Variants in RYR3 observed in about 807,000 individuals in gnomAD.
RYR3 encodes the protein ryanodine receptor 3.
Under a neutral mutation model 584.3 loss-of-function variants are expected in RYR3, and 207 were observed. The ratio of observed to expected loss-of-function variants is 0.35; its 90% CI spans 0.32 to 0.40. RYR3 has a LOEUF of 0.40. Among genes scored for constraint, RYR3 ranks in the 10% least tolerant of loss-of-function variants. The pLI is 1.00. For synonymous variants in RYR3, 2,416 were observed against 2,248.5 expected (o/e 1.07, Z -2.11); for missense variants, 5,616 against 6,089.2 (o/e 0.92, Z 2.59).
intron 19 of RYR3, among the ~76,000 whole-genome samples, chr15:33,614,642 C>T (rs917127013): frequency 6.6e-5 from 10 of 151,830 alleles, no homozygotes; most frequent in African/African-American, 2.4e-4. Context: ...TGGTAGATAT[C>T]TTACATATTT....
At chr15:33,800,940 A>G (rs2075886063) in intron 68 of RYR3, 83 bp downstream of exon 68, 9 of 1,005,906 alleles carry the variant, frequency 8.9e-6, no homozygotes, top group Middle Eastern at 2.1e-4. Flanking sequence ...AAAAGCCAAC[A>G]GTAAAATATT....
chr15:33,628,445 C>A (rs368150012), intron 20 of RYR3, 26 bp from the exon 21 acceptor site: 8 of 1,496,978 alleles, frequency 5.3e-6, no homozygotes, highest in African/African-American at 1.4e-5. Flanking sequence ...ACAATCGATT[C>A]TTTTCACTTG....
chr15:33,487,402 G>T (rs2050542796), intron 2 of RYR3, among the ~76,000 whole-genome samples: 1 of 152,156 alleles, frequency 6.6e-6, no homozygotes, highest in Non-Finnish European at 1.5e-5. Flanking sequence ...ACAAGGGCAT[G>T]AGACTTTTGG....
intron 102 of RYR3, among the ~76,000 whole-genome samples, chr15:33,863,790 G>C (rs1011086617): frequency 6.6e-6 from 1 of 152,132 alleles, no homozygotes; most frequent in Non-Finnish European, 1.5e-5. Flanking sequence ...TAAATGGCCT[G>C]TTAAATATTC....
chr15:33,686,274 T>C (rs1017175833), intron 38 of RYR3, among the ~76,000 whole-genome samples: 2 of 152,126 alleles, frequency 1.3e-5, no homozygotes, highest in African/African-American at 4.8e-5. Flanking sequence ...AAATACAAAC[T>C]ACCATCAGAG....
chr15:33,577,267 C>A (rs968293257), intron 12 of RYR3, among the ~76,000 whole-genome samples: 1 of 152,116 alleles, frequency 6.6e-6, no homozygotes, highest in Non-Finnish European at 1.5e-5. Context: ...GAAAAAACTA[C>A]TTTAAAATTC....
intron 3 of RYR3, among the ~76,000 whole-genome samples, chr15:33,508,390 C>T (rs1329444595): frequency 6.6e-6 from 1 of 152,050 alleles, no homozygotes; most frequent in Non-Finnish European, 1.5e-5. Flanking sequence ...TGGCTCACAC[C>T]TGTAATCCCA....
At chr15:33,708,957 GAGCAGGT>G (rs1032207604) in intron 43 of RYR3, among the ~76,000 whole-genome samples, 49 of 137,782 alleles carry the variant, frequency 3.6e-4, no homozygotes, top group African/African-American at 1.6e-3. Context: ...AGTCAGGACA[GAGCAGGT>G]AGCAGGTAAT....
chr15:33,474,702 G>A (rs1236339647), intron 2 of RYR3, among the ~76,000 whole-genome samples: 2 of 151,960 alleles, frequency 1.3e-5, no homozygotes, highest in Non-Finnish European at 2.9e-5. Flanking sequence ...TAAAAAAACC[G>A]AAAACAAAAA....
chr15:33,848,017 A>C (rs1001467538), intron 93 of RYR3, among the ~76,000 whole-genome samples: 1 of 152,248 alleles, frequency 6.6e-6, no homozygotes, highest in Admixed American at 6.5e-5. Flanking sequence ...TGGCCTGCAC[A>C]CTAGCATGGG....
rs2077642739 is a variant in RYR3, at chr15:33,830,980, C to T, written c.11352C>T (p.Phe3784=). The change falls in exon 86 of 104, where the codon TTC becomes TTT. Residue 3784 remains phenylalanine, a synonymous_variant. Transcript: ENST00000634891. ...GTTTTTAGGAATCAATCAGTGATTT[C>T]TACTGGTATTATTCAGGGAAGGACA... ...LLRLQESISD[F]YWYYSGKDII... 1 of 1,613,546 alleles carries T rather than the reference C, an allele frequency of 6.2e-7. No individual in the cohort carries two copies.
chr15:33,468,606 A>T (rs774577873), intron 1 of RYR3, among the ~76,000 whole-genome samples: 23 of 152,202 alleles, frequency 1.5e-4, no homozygotes, highest in Non-Finnish European at 3.4e-4. Flanking sequence ...CAGTTAATTA[A>T]CACATTTTTA....
chr15:33,820,643 C>T, intron 77 of RYR3, 113 bp from the exon 78 acceptor site: 2 of 875,646 alleles, frequency 2.3e-6, no homozygotes, highest in Non-Finnish European at 3.6e-6. Context: ...ACGCTGAGGT[C>T]CTGAGGTGCC....
chr15:33,469,331 G>T (rs1396538378), intron 1 of RYR3, among the ~76,000 whole-genome samples: 2 of 152,112 alleles, frequency 1.3e-5, no homozygotes, highest in African/African-American at 4.8e-5. Flanking sequence ...TGGAAATGTG[G>T]AAACCTCAGA....
chr15:33,648,792 T>A (rs1444393904), intron 30 of RYR3, among the ~76,000 whole-genome samples: 3 of 152,222 alleles, frequency 2.0e-5, no homozygotes. Context: ...ATCTCCTGAT[T>A]TCAGCACCAG....
chr15:33,826,544 T>C, intron 83 of RYR3, 128 bp from the exon 84 acceptor site: 1 of 876,474 alleles, frequency 1.1e-6, no homozygotes, highest in South Asian at 1.4e-5. Flanking sequence ...CTTTTCACCA[T>C]TCATCCAAAG....
At chr15:33,840,976 G>C (rs1197710930) in intron 90 of RYR3, 93 bp downstream of exon 90, 13 of 1,134,852 alleles carry the variant, frequency 1.1e-5, no homozygotes, top group East Asian at 4.9e-5. Flanking sequence ...CCAGCACTTT[G>C]AGAGGCTGAG....
chr15:33,459,475 C>T (rs1323681874), intron 1 of RYR3, among the ~76,000 whole-genome samples: 1 of 151,954 alleles, frequency 6.6e-6, no homozygotes, highest in Admixed American at 6.6e-5. Flanking sequence ...TAGTCAAACC[C>T]GGGAAAGCTG....
At chr15:33,786,152 T>C (rs2074693650) in intron 66 of RYR3, among the ~76,000 whole-genome samples, 170 bp downstream of exon 66, 2 of 152,212 alleles carry the variant, frequency 1.3e-5, no homozygotes, top group Admixed American at 6.5e-5. Context: ...CATATTCCCC[T>C]GAAGAGCTTC....
Sources: gnomAD v4.1 joint callset for allele counts (sites outside exome capture counted in the v4.1 genomes callset) on GRCh38, gnomAD v4.1.1 for gene constraint, MANE v1.5 for transcripts, NCBI Gene and HGNC (gene_info 2026-07-23, HGNC 2026-07-21) for gene names.